Variants in SLCO2B1 observed in about 807,000 individuals in gnomAD.
SLCO2B1 encodes the protein OATP-RP2.
SLCO2B1 carries 41 observed loss-of-function variants against 67.3 expected under a neutral mutation model. That is an observed-to-expected ratio of 0.61 (90% CI 0.47 to 0.79). The LOEUF is 0.79. SLCO2B1 is among the 30% of genes least tolerant of loss of function. The probability of loss-of-function intolerance (pLI) is 0.00; values close to 1 mark genes in which losing one functional copy is unlikely to be tolerated. For synonymous variants in SLCO2B1, 379 were observed against 381.4 expected (o/e 0.99, Z 0.07); for missense variants, 837 against 920.1 (o/e 0.91, Z 1.17).
At chr11:75,195,683 T>A (rs1433681256) in intron 9 of SLCO2B1, among the ~76,000 whole-genome samples, 2 of 152,204 alleles carry the variant, frequency 1.3e-5, no homozygotes, top group East Asian at 1.9e-4. Context: ...GACAGGGACA[T>A]CCAGCTTCCG....
At chr11:75,196,108 A>C (rs1945093249) in intron 9 of SLCO2B1, 1 of 169,772 alleles carries the variant, frequency 5.9e-6, no homozygotes, top group Non-Finnish European at 1.3e-5. Flanking sequence ...ACGGGTGGTC[A>C]GGTCTCCTGA....
chr11:75,175,716 T>C (rs1220408730), intron 7 of SLCO2B1, among the ~76,000 whole-genome samples: 2 of 151,962 alleles, frequency 1.3e-5, no homozygotes, highest in African/African-American at 4.8e-5. Flanking sequence ...GAGAAATATG[T>C]GAGCATTTTC....
intron 1 of SLCO2B1, chr11:75,152,232 T>C (rs1949700907): frequency 6.6e-6 from 1 of 152,352 alleles, no homozygotes; most frequent in African/African-American, 2.4e-5. Flanking sequence ...ATCTTTCTAC[T>C]GGGAGTACTC....
At chr11:75,186,860 G>T (rs2140330979) in intron 7 of SLCO2B1, among the ~76,000 whole-genome samples, 1 of 152,324 alleles carries the variant, frequency 6.6e-6, no homozygotes, top group South Asian at 2.1e-4. Flanking sequence ...GAGAAATGTA[G>T]GTAGAGTACT....
chr11:75,196,696 G>A lies in SLCO2B1; in HGVS notation c.1599+17G>A, dbSNP rs780082401. Reference sequence around the variant, plus strand: ...AACAGCCAGGTGAGTCAGGCCTCTCGTGGCAACCTCTGCCCCTCAGGACTC... The same window carrying A: ...AACAGCCAGGTGAGTCAGGCCTCTCATGGCAACCTCTGCCCCTCAGGACTC... On this transcript the variant is annotated intron_variant, in intron 10 of 13. Transcript: ENST00000289575. 13 of 1,609,086 alleles carry A rather than the reference G, an allele frequency of 8.1e-6. No homozygotes were observed. Among genetic ancestry groups the A allele is most frequent in the South Asian group, 7.8e-5 (7 of 90,176 alleles).
Position 75,173,660 on chromosome 11 carries a change from G to C in SLCO2B1, c.972+1091G>C, listed in dbSNP as rs568588374. Among the ~76,000 whole-genome samples the C allele has an allele frequency of 1.7e-3, 263 of 152,260 alleles. 1 individual carries two copies. Among genetic ancestry groups the C allele is most frequent in the Non-Finnish European group, 3.0e-3 (203 of 68,028 alleles). ...CCAGGGTCACAAAACTGGTAGGAGA[G>C]GACAGGATCATGTGAGCCACCAGGC... On this transcript the variant is annotated intron_variant, in intron 7 of 13. Coordinates refer to ENST00000289575, the MANE Select transcript of SLCO2B1 (RefSeq NM_007256.5).
intron 8 of SLCO2B1, among the ~76,000 whole-genome samples, chr11:75,191,737 C>G (rs547029970): frequency 6.6e-6 from 1 of 152,326 alleles, no homozygotes; most frequent in East Asian, 1.9e-4. Context: ...TGCTCCTCTC[C>G]CTCCATACCT....
At chr11:75,183,159 A>G (rs1240882823) in intron 7 of SLCO2B1, among the ~76,000 whole-genome samples, 2 of 152,254 alleles carry the variant, frequency 1.3e-5, no homozygotes, top group Non-Finnish European at 2.9e-5. Context: ...TAATTTTAAT[A>G]ATACATTTTA....
chr11:75,151,235 C>T lies in SLCO2B1; in HGVS notation c.-147C>T. On this transcript the variant is annotated 5_prime_UTR_variant, in exon 1 of 14. Coordinates refer to ENST00000289575, the MANE Select transcript of SLCO2B1 (RefSeq NM_007256.5). The stretch of plus-strand genomic sequence containing the variant: ...GGCCCAAGAAGAACTGACCCCGTGT[C>T]TGGAGCTCCCACCGTTATTGCATCC... 1.5e-6 allele frequency: 1 copy of T among 669,356 alleles called. No homozygotes were observed. The allele number at this position is 669,356 out of a possible 1,614,324, so 41.5% of individuals were successfully genotyped here.
chr11:75,193,674 CTCAA>C lies in SLCO2B1; in HGVS notation c.1433+100_1433+103del. The C allele has an allele frequency of 1.8e-6, 2 of 1,118,280 alleles. No homozygotes were observed. The highest frequency in any genetic ancestry group is 1.6e-5 in the South Asian group (1 of 60,650). 69.3% of individuals were successfully genotyped at this position (1,118,280 alleles called of 1,614,324 possible). On this transcript the variant is annotated intron_variant, in intron 9 of 13. Transcript: ENST00000289575. The surrounding 1 kb of genome is among the most constrained non-coding windows in gnomAD (Gnocchi z 4.2). ...GCCAGGATGGCAGGGCAACCCCTGC[CTCAA>C]ATCTTGCCTCCCCAGTTCTGCTTAA...
At chr11:75,166,086 C>A (rs555745204) in intron 4 of SLCO2B1, 137 bp downstream of exon 4, 112 of 1,088,402 alleles carry the variant, frequency 1.0e-4, no homozygotes, top group Admixed American at 1.9e-4. Context: ...TAGTCCCCCC[C>A]CAACCTGGCT....
chr11:75,180,691 C>T (rs1047742563), intron 7 of SLCO2B1, among the ~76,000 whole-genome samples: 1 of 152,202 alleles, frequency 6.6e-6, no homozygotes, highest in Non-Finnish European at 1.5e-5. Flanking sequence ...AGTACTACAA[C>T]AGTAGGAATT....
intron 1 of SLCO2B1, among the ~76,000 whole-genome samples, chr11:75,152,161 G>A (rs552258886): frequency 5.3e-5 from 8 of 152,368 alleles, no homozygotes; most frequent in African/African-American, 1.9e-4. Context: ...CAGTGTTTCT[G>A]GGAACAGAGC....
chr11:75,177,662 G>A (rs548396897), intron 7 of SLCO2B1, among the ~76,000 whole-genome samples: 1 of 152,158 alleles, frequency 6.6e-6, no homozygotes, highest in Non-Finnish European at 1.5e-5. Context: ...CCTCCACCTG[G>A]CAACCTTCAC....
At chr11:75,172,659 G>A in intron 7 of SLCO2B1, 90 bp downstream of exon 7, 1 of 1,221,022 alleles carries the variant, frequency 8.2e-7, no homozygotes, top group Non-Finnish European at 1.2e-6. Flanking sequence ...GCTGGGCGTG[G>A]TGGCTCACAT....
intron 1 of SLCO2B1, among the ~76,000 whole-genome samples, chr11:75,160,183 C>T (rs914766700): frequency 4.6e-5 from 7 of 152,206 alleles, no homozygotes; most frequent in South Asian, 2.1e-4. Context: ...TGGCTTGGCC[C>T]CTTGGTGGAC....
rs1565547693 is a variant in SLCO2B1, at chr11:75,193,098, A to T, written c.1076-120A>T. On this transcript the variant is annotated intron_variant, in intron 8 of 13. Coordinates refer to ENST00000289575, the MANE Select transcript of SLCO2B1 (RefSeq NM_007256.5). This position sits in a 1 kb window ranked among gnomAD's most constrained non-coding sequence, Gnocchi z 4.2. Reference sequence around the variant, plus strand: ...GGATAAAATTGATTGCAATAGAATTAAGTGGAATGGGGCGGGTTAGAAGAA... The same window carrying T: ...GGATAAAATTGATTGCAATAGAATTTAGTGGAATGGGGCGGGTTAGAAGAA... The T allele has an allele frequency of 2.9e-6, 2 of 696,656 alleles. No homozygotes were observed. The highest frequency in any genetic ancestry group is 4.9e-6 in the Non-Finnish European group (2 of 410,740). The allele number at this position is 696,656 out of a possible 1,614,324, so 43.2% of individuals were successfully genotyped here.
intron 1 of SLCO2B1, among the ~76,000 whole-genome samples, chr11:75,151,637 T>C (rs746417698): frequency 2.0e-5 from 3 of 152,152 alleles, no homozygotes; most frequent in Non-Finnish European, 2.9e-5. Flanking sequence ...CCAAACCTCG[T>C]TGATGAGACC....
Position 75,193,577 on chromosome 11 carries a change from T to G in SLCO2B1, c.1433+2T>G. ...TGCGGGCATCACACACCAGACCAGG[T>G]GAGTGTGTGCGTGGGCACGTAAAGG... On this transcript the variant is annotated splice_donor_variant, in intron 9 of 13. Transcript: ENST00000289575. LOFTEE classifies it high-confidence loss of function. This position sits in a 1 kb window ranked among gnomAD's most constrained non-coding sequence, Gnocchi z 4.2. The G allele has an allele frequency of 1.9e-6, 3 of 1,542,036 alleles. No individual in the cohort carries two copies. Among genetic ancestry groups the G allele is most frequent in the Non-Finnish European group, 2.6e-6 (3 of 1,144,000 alleles).
Sources: allele counts gnomAD v4.1 joint callset (sites outside exome capture counted in the v4.1 genomes callset), GRCh38; gene constraint gnomAD v4.1.1; non-coding constraint Gnocchi (gnomAD v3.1); transcripts MANE v1.5; gene names NCBI Gene and HGNC (gene_info 2026-07-23, HGNC 2026-07-21).